ADGRL3: variants seen among roughly 807,000 people sequenced by gnomAD.
ADGRL3 encodes the protein adhesion G protein-coupled receptor L3.
A neutral mutation model predicts 153.5 loss-of-function variants in ADGRL3; 62 were observed. The observed-to-expected ratio is 0.40, with a 90% CI of 0.33 to 0.50. The LOEUF is 0.50. ADGRL3 is among the 20% of genes least tolerant of loss of function. ADGRL3 has a pLI of 0.47. For missense variants in ADGRL3, 1,641 were observed against 1,859.4 expected (o/e 0.88, Z 2.16); for synonymous variants, 710 against 672.5 (o/e 1.06, Z -0.86).
chr4:61,702,618 G>C (rs995397981), intron 6 of ADGRL3, among the ~76,000 whole-genome samples: 2 of 151,986 alleles, frequency 1.3e-5, no homozygotes, highest in African/African-American at 4.8e-5. Flanking sequence ...ATTTCTGCAA[G>C]GGAATAATTA....
intron 6 of ADGRL3, among the ~76,000 whole-genome samples, chr4:61,711,053 A>G (rs994771921): frequency 9.2e-5 from 14 of 152,150 alleles, no homozygotes; most frequent in Admixed American, 4.6e-4. Context: ...TAAATTATGT[A>G]GTTGTGGGGG....
chr4:61,613,568 A>G (rs189022801), intron 5 of ADGRL3, among the ~76,000 whole-genome samples: 172 of 152,080 alleles, frequency 1.1e-3, no homozygotes, highest in African/African-American at 3.9e-3. Flanking sequence ...ACATGATGAA[A>G]CCCTGTCTCT....
intron 21 of ADGRL3, among the ~76,000 whole-genome samples, chr4:62,025,260 G>A (rs1259638768): frequency 2.0e-5 from 3 of 152,042 alleles, no homozygotes; most frequent in Admixed American, 6.6e-5. Flanking sequence ...CAAGCTATTC[G>A]TGTTATTATA....
chr4:61,949,320 A>T, intron 17 of ADGRL3, among the ~76,000 whole-genome samples: 1 of 152,232 alleles, frequency 6.6e-6, no homozygotes, highest in East Asian at 1.9e-4. Flanking sequence ...TTAATTTTTG[A>T]ACTTTCAAAC....
At chr4:61,616,302 C>A (rs2091995739) in intron 5 of ADGRL3, among the ~76,000 whole-genome samples, 1 of 152,002 alleles carries the variant, frequency 6.6e-6, no homozygotes. Context: ...AAGCCTAAAA[C>A]TCCTATAATT....
chr4:61,279,152 C>T (rs935891947), intron 1 of ADGRL3, among the ~76,000 whole-genome samples: 1 of 152,134 alleles, frequency 6.6e-6, no homozygotes, highest in Non-Finnish European at 1.5e-5. Flanking sequence ...TGTAATATTT[C>T]AGCTTAGGGG....
At chr4:62,006,288 G>A (rs540413605) in intron 21 of ADGRL3, among the ~76,000 whole-genome samples, 1 of 151,712 alleles carries the variant, frequency 6.6e-6, no homozygotes, top group South Asian at 2.1e-4. Flanking sequence ...AGCCCGCTTT[G>A]GCCTCCCAAA....
intron 19 of ADGRL3, among the ~76,000 whole-genome samples, chr4:61,987,671 GTCAACTATTT>G (rs2099090557): frequency 6.6e-6 from 1 of 151,978 alleles, no homozygotes; most frequent in Non-Finnish European, 1.5e-5. Context: ...GAGATATATT[GTCAACTATTT>G]TCTTTAAATT....
chr4:61,529,278 G>A (rs2098597543), intron 4 of ADGRL3, among the ~76,000 whole-genome samples: 2 of 152,130 alleles, frequency 1.3e-5, no homozygotes, highest in African/African-American at 4.8e-5. Flanking sequence ...TATCCAGTAT[G>A]TATATTTAAC....
intron 9 of ADGRL3, among the ~76,000 whole-genome samples, chr4:61,829,067 A>AG (rs1206535415): frequency 6.6e-6 from 1 of 152,230 alleles, no homozygotes; most frequent in Non-Finnish European, 1.5e-5. Flanking sequence ...CATGTGTGGT[A>AG]CTTTATCAGT....
intron 1 of ADGRL3, among the ~76,000 whole-genome samples, chr4:61,354,198 G>C (rs1450515403): frequency 1.3e-5 from 2 of 152,144 alleles, no homozygotes; most frequent in African/African-American, 4.8e-5. Flanking sequence ...CTGAGGTACA[G>C]ATAAATTAAA....
chr4:61,461,638 T>G (rs186513368), intron 2 of ADGRL3, among the ~76,000 whole-genome samples: 33 of 152,322 alleles, frequency 2.2e-4, no homozygotes, highest in African/African-American at 7.9e-4. Context: ...AAATTTTATG[T>G]CACAGAAAAA....
intron 1 of ADGRL3, among the ~76,000 whole-genome samples, chr4:61,370,922 G>T (rs1578484237): frequency 6.7e-6 from 1 of 149,842 alleles, no homozygotes; most frequent in Non-Finnish European, 1.5e-5. Context: ...TCCTGTATTG[G>T]GTGCATATAT....
intron 1 of ADGRL3, among the ~76,000 whole-genome samples, chr4:61,226,964 A>C (rs2149110412): frequency 6.6e-6 from 1 of 152,310 alleles, no homozygotes; most frequent in South Asian, 2.1e-4. Flanking sequence ...AATCATATTT[A>C]ATCTCTTTTA....
In ADGRL3 at chr4:61,613,132, C is replaced by T. The variant is rs537134207; in HGVS notation, c.473+25692C>T. ...CCATGGCCTTCAATGCTAAACATGACGTGAACCTCTAAATCCTATCATCTC... is the reference window on the plus strand; with the variant it reads ...CCATGGCCTTCAATGCTAAACATGATGTGAACCTCTAAATCCTATCATCTC... On this transcript the variant is annotated intron_variant, in intron 5 of 26. Transcript: ENST00000683033. 5.3e-5 allele frequency among the ~76,000 whole-genome samples: 8 copies of T among 152,202 alleles called. No homozygotes were observed. The East Asian group carries it at 1.2e-3, about 22-fold the overall frequency.
chr4:61,824,482 C>T (rs1380122895), intron 9 of ADGRL3, among the ~76,000 whole-genome samples: 4 of 152,128 alleles, frequency 2.6e-5, no homozygotes, highest in Non-Finnish European at 4.4e-5. Flanking sequence ...TCAATATTCT[C>T]TTCCCCAAAA....
At chr4:61,583,755 T>C in intron 4 of ADGRL3, 1 of 517,986 alleles carries the variant, frequency 1.9e-6, no homozygotes, top group Non-Finnish European at 3.9e-6. Context: ...ATCTAAAACT[T>C]TTCCAATTTA....
intron 1 of ADGRL3, among the ~76,000 whole-genome samples, chr4:61,372,528 A>G (rs2096547064): frequency 6.6e-6 from 1 of 152,172 alleles, no homozygotes; most frequent in Non-Finnish European, 1.5e-5. Context: ...GGTGCCTACC[A>G]GTTAGGCTGC....
At chr4:61,296,767 A>G (rs2094427275) in intron 1 of ADGRL3, among the ~76,000 whole-genome samples, 1 of 152,184 alleles carries the variant, frequency 6.6e-6, no homozygotes, top group South Asian at 2.1e-4. Flanking sequence ...ATTTCTGAAA[A>G]TAAGCACCTT....
Sources: gnomAD v4.1 joint callset for allele counts (sites outside exome capture counted in the v4.1 genomes callset) on GRCh38, gnomAD v4.1.1 for gene constraint, MANE v1.5 for transcripts, NCBI Gene and HGNC (gene_info 2026-07-23, HGNC 2026-07-21) for gene names.